Variants in SGO2 observed in about 807,000 individuals in gnomAD.
The protein encoded by SGO2 is shugoshin 2, also known as shugoshin-like 2.
Under a neutral mutation model 99.5 loss-of-function variants are expected in SGO2, and 68 were observed. That is an observed-to-expected ratio of 0.68 (90% CI 0.56 to 0.84). The LOEUF is 0.84. Among genes scored for constraint, SGO2 ranks in the 40% least tolerant of loss-of-function variants. SGO2 has a pLI of 0.00. For synonymous variants in SGO2, 457 were observed against 487.1 expected, an observed-to-expected ratio of 0.94 and a Z score of 0.81; for missense variants, 1,350 against 1,436.7, an observed-to-expected ratio of 0.94 and a Z score of 0.97.
At chr2:200,551,821 C>G (rs1438256308) in intron 5 of SGO2, among the ~76,000 whole-genome samples, 15 of 152,072 alleles carry the variant, frequency 9.9e-5, no homozygotes. Flanking sequence ...GGGTCTGTTT[C>G]TAAACTCACT....
chr2:200,539,975 C>CT (rs914667625), intron 4 of SGO2, among the ~76,000 whole-genome samples: 1 of 150,976 alleles, frequency 6.6e-6, no homozygotes, highest in Non-Finnish European at 1.5e-5. Flanking sequence ...TCTTTCCCCC[C>CT]TTTTTTTCTC....
intron 5 of SGO2, among the ~76,000 whole-genome samples, chr2:200,556,820 C>T (rs570615198): frequency 6.2e-4 from 93 of 149,834 alleles, no homozygotes; most frequent in Non-Finnish European, 4.5e-5. Flanking sequence ...AACTCCTGGC[C>T]GAGAGAGAGA....
intron 4 of SGO2, among the ~76,000 whole-genome samples, chr2:200,540,662 T>C (rs948954019): frequency 1.3e-5 from 2 of 152,230 alleles, no homozygotes; most frequent in Non-Finnish European, 2.9e-5. Flanking sequence ...GGGGAACTCC[T>C]TCTTATCACT....
At position 200,570,305 on chromosome 2, in the gene SGO2, G is replaced by A. The variant is rs1326763538; in HGVS notation, c.703+413G>A. Reference sequence around the variant, plus strand: ...TGGTAAAGCAAAAACTTGAGTCTGGGTAATGGTTGAGCAAGAAAAAAGATG... The same window carrying A: ...TGGTAAAGCAAAAACTTGAGTCTGGATAATGGTTGAGCAAGAAAAAAGATG... On this transcript the variant is annotated intron_variant, in intron 6 of 8. Coordinates refer to ENST00000357799, the MANE Select transcript of SGO2 (RefSeq NM_152524.6). This position sits in a 1 kb window ranked among gnomAD's most constrained non-coding sequence, Gnocchi z 4.4. 6.6e-6 allele frequency among the ~76,000 whole-genome samples: 1 copy of A among 151,878 alleles called. No homozygotes were observed. Among genetic ancestry groups the A allele is most frequent in the Non-Finnish European group, 1.5e-5 (1 of 67,868 alleles).
chr2:200,576,157 T>A, intron 8 of SGO2: 1 of 331,002 alleles, frequency 3.0e-6, no homozygotes, highest in South Asian at 2.4e-5. Flanking sequence ...AACCAGCAGA[T>A]GGCAGTAATA....
chr2:200,527,941 A>G (rs1298656285), intron 1 of SGO2, among the ~76,000 whole-genome samples: 2 of 152,230 alleles, frequency 1.3e-5, no homozygotes, highest in African/African-American at 2.4e-5. Context: ...AGAAAGTGAC[A>G]TTTTGGCAAA....
At chr2:200,544,361 A>C (rs949745895) in intron 5 of SGO2, among the ~76,000 whole-genome samples, 3 of 152,194 alleles carry the variant, frequency 2.0e-5, no homozygotes. Context: ...GGCTCACTGC[A>C]ACCTCCACCT....
chr2:200,559,174 AT>A (rs1199442072), intron 5 of SGO2, among the ~76,000 whole-genome samples: 1 of 152,026 alleles, frequency 6.6e-6, no homozygotes, highest in Non-Finnish European at 1.5e-5. Context: ...GGTTTGTAAA[AT>A]TTTTTTTAAA....
chr2:200,565,066 A>C (rs1282766422), intron 5 of SGO2, among the ~76,000 whole-genome samples: 1 of 152,132 alleles, frequency 6.6e-6, no homozygotes, highest in African/African-American at 2.4e-5. Flanking sequence ...TTTACATTTA[A>C]GGTTAATATT....
At chr2:200,554,770 G>A (rs969094887) in intron 5 of SGO2, among the ~76,000 whole-genome samples, 10 of 152,054 alleles carry the variant, frequency 6.6e-5, no homozygotes, top group Non-Finnish European at 1.2e-4. Context: ...TGCCAAATAC[G>A]CCAAATTTCA....
At chr2:200,563,599 T>C (rs2106335450) in intron 5 of SGO2, among the ~76,000 whole-genome samples, 1 of 152,346 alleles carries the variant, frequency 6.6e-6, no homozygotes, top group Non-Finnish European at 1.5e-5. Context: ...GATTCCCTCT[T>C]TTTCTATTGA....
intron 1 of SGO2, among the ~76,000 whole-genome samples, chr2:200,530,581 A>T (rs2031324217): frequency 6.6e-6 from 1 of 152,118 alleles, no homozygotes; most frequent in African/African-American, 2.4e-5. Flanking sequence ...CAAAGAAGGG[A>T]GTGTAGATAA....
At chr2:200,576,268 T>G (rs2033660249) in intron 8 of SGO2, among the ~76,000 whole-genome samples, 1 of 151,572 alleles carries the variant, frequency 6.6e-6, no homozygotes, top group South Asian at 2.1e-4. Context: ...GAGATATAAT[T>G]CACACAATTT....
chr2:200,574,065 C>G, intron 7 of SGO2, 88 bp downstream of exon 7: 4 of 1,003,410 alleles, frequency 4.0e-6, no homozygotes, highest in Non-Finnish European at 5.6e-6. Context: ...GAAGTATTTT[C>G]TAACTGGTAT....
intron 5 of SGO2, among the ~76,000 whole-genome samples, chr2:200,560,316 C>A (rs546201709): frequency 2.6e-5 from 4 of 152,020 alleles, no homozygotes; most frequent in Non-Finnish European, 5.9e-5. Flanking sequence ...CATGATATAT[C>A]TTTTTCTATA....
chr2:200,552,620 T>C (rs1324775720), intron 5 of SGO2, among the ~76,000 whole-genome samples: 1 of 152,216 alleles, frequency 6.6e-6, no homozygotes, highest in Non-Finnish European at 1.5e-5. Context: ...GACATTACCA[T>C]GGCATTTGTA....
rs200825147 is a variant in SGO2, at chr2:200,573,360, T to G, written c.3014T>G (p.Leu1005Arg). The G allele has an allele frequency of 6.2e-6, 10 of 1,603,488 alleles. No individual in the cohort carries two copies. In the African/African-American group the frequency reaches 1.3e-4, roughly 22 times the overall value. ...KNILTKAKNK[L>R]ASQLTESSQT... ...ATTTTGACAAAAGCTAAGAACAAAC[T>G]TGCTTCACAGTTAACAGAATCTTCA... Residue 1005 changes from leucine (L) to arginine (R), a missense_variant, in exon 7 of 9, where the codon CTT becomes CGT. Physicochemically the swap from Leu to Arg is moderately radical, Grantham distance 102. Transcript: ENST00000357799.
chr2:200,528,024 G>A (rs1239933391), intron 1 of SGO2, among the ~76,000 whole-genome samples: 1 of 152,194 alleles, frequency 6.6e-6, no homozygotes, highest in Admixed American at 6.5e-5. Context: ...AGGAATAAAA[G>A]TTTCTGCTTT....
chr2:200,542,863 G>T, intron 5 of SGO2, 199 bp downstream of exon 5: 5 of 386,386 alleles, frequency 1.3e-5, no homozygotes, highest in South Asian at 5.6e-5. Context: ...CCCCCAACCA[G>T]GTTTATTTGT....
Sources: gnomAD v4.1 joint callset for allele counts (sites outside exome capture counted in the v4.1 genomes callset) on GRCh38, gnomAD v4.1.1 for gene constraint, Gnocchi (gnomAD v3.1) non-coding constraint, MANE v1.5 for transcripts, NCBI Gene and HGNC (gene_info 2026-07-23, HGNC 2026-07-21) for gene names.